The following SON variants were observed in gnomAD, a reference collection of about 807,000 sequenced individuals.
The protein encoded by SON is protein SON.
Under a neutral mutation model 173.3 loss-of-function variants are expected in SON, and 4 were observed. That is an observed-to-expected ratio of 0.02 (90% CI 0.01 to 0.05). The LOEUF is 0.05. SON is among the 10% of genes least tolerant of loss of function. The pLI, the probability that SON is intolerant of heterozygous loss-of-function variation, is 1.00. For synonymous variants in SON, 1,190 were observed against 1,105.9 expected, an observed-to-expected ratio of 1.08 and a Z score of -1.51; for missense variants, 2,626 against 3,055.3, an observed-to-expected ratio of 0.86 and a Z score of 3.31.
rs1601255163 is a variant in SON at position 33,548,153 on chromosome 21, C to T, written c.245-1323C>T. On this transcript the variant is annotated intron_variant, in intron 2 of 11. Coordinates refer to ENST00000356577, the MANE Select transcript of SON (RefSeq NM_138927.4). ...TTGTTAAAGTTGAATACTCCCATCT[C>T]TTTAGGGTATGTAAATTCAAACCTT... 3.3e-5 allele frequency among the ~76,000 whole-genome samples: 5 copies of T among 152,296 alleles called. No individual in the cohort carries two copies. The South Asian group carries it at 1.0e-3, about 32-fold the overall frequency.
chr21:33,567,881 C>G (rs1350822200), intron 7 of SON, among the ~76,000 whole-genome samples: 1 of 152,032 alleles, frequency 6.6e-6, no homozygotes, highest in Non-Finnish European at 1.5e-5. Flanking sequence ...CCACTGTACT[C>G]CAGCCTGGGC....
Position 33,557,279 on chromosome 21 carries a change from A to G in SON, c.6284A>G (p.Lys2095Arg). The change falls in exon 4 of 12, where the codon AAA becomes AGA. Residue 2095 changes from lysine (K) to arginine (R), a missense_variant. Lys to Arg is a conservative substitution (Grantham distance 26). This residue lies in a region of SON where 19 missense variants were observed against 16.8 expected (regional missense o/e 1.13). Coordinates refer to ENST00000356577, the MANE Select transcript of SON (RefSeq NM_138927.4). ...CCTACTATAGAAGAGAAAGTTGCTA[A>G]AAAGTCAGGAGGAGCTACTATAGAA... is the stretch of plus-strand genomic sequence containing the variant. Reference protein sequence around the residue: ...PPPTIEEKVAKKSGGATIEEL... With the variant: ...PPPTIEEKVARKSGGATIEEL... The G allele has an allele frequency of 6.2e-7, 1 of 1,613,868 alleles. No homozygotes were observed. The highest frequency in any genetic ancestry group is 1.3e-5 in the African/African-American group (1 of 74,920).
Position 33,553,357 on chromosome 21 carries a change from C to T in SON, c.4126C>T (p.Leu1376=), listed in dbSNP as rs761973913. 3 of 1,612,028 alleles carry T rather than the reference C, an allele frequency of 1.9e-6. No individual in the cohort carries two copies. The highest frequency in any genetic ancestry group is 2.5e-6 in the Non-Finnish European group (3 of 1,178,068). Residue 1376 remains leucine (L), a synonymous_variant, in exon 3 of 12, where the codon CTG becomes TTG. Coordinates refer to ENST00000356577, the MANE Select transcript of SON (RefSeq NM_138927.4). ...TVLESSTVTV[L]ESSTVTVLEP... is the part of the protein sequence containing the mutation. ...CCTGGAGTCTTCGACTGTGACTGTC[C>T]TGGAGTCTTCGACTGTAACTGTCCT...
chr21:33,577,271 G>A lies in SON; in HGVS notation c.*847G>A, dbSNP rs947612755. The stretch of plus-strand genomic sequence containing the variant: ...GAATTTCAGCTACACCTAGATAGAC[G>A]TAAAATGATAATTAAAATGCTGTAA... On this transcript the variant is annotated 3_prime_UTR_variant, in exon 12 of 12. Transcript: ENST00000356577. The A allele has an allele frequency of 2.6e-5, 4 of 152,498 alleles. No individual in the cohort carries two copies. The highest frequency in any genetic ancestry group is 4.8e-5 in the African/African-American group (2 of 41,418). The allele number at this position is 152,498 out of a possible 1,614,324, so 9.4% of individuals were successfully genotyped here.
chr21:33,567,515 G>T, intron 7 of SON: 1 of 461,178 alleles, frequency 2.2e-6, no homozygotes, highest in South Asian at 2.7e-5. Flanking sequence ...AAATTTCCCT[G>T]TCCTCACAGA....
intron 3 of SON, 145 bp downstream of exon 3, chr21:33,555,536 G>A: frequency 1.4e-6 from 1 of 722,420 alleles, no homozygotes; most frequent in Non-Finnish European, 2.0e-6. Flanking sequence ...ACATGGTACT[G>A]TATTTAGGAA....
intron 6 of SON, among the ~76,000 whole-genome samples, chr21:33,561,232 T>C (rs2086065175): frequency 6.6e-6 from 1 of 152,174 alleles, no homozygotes; most frequent in African/African-American, 2.4e-5. Flanking sequence ...GTTTGGATAA[T>C]ATTTTAGTGA....
rs2085812375 is a variant in SON, at chr21:33,552,154, A to G, written c.2923A>G (p.Arg975Gly). Residue 975 changes from arginine to glycine, a missense_variant, in exon 3 of 12, where the codon AGG becomes GGG. Arg to Gly is a moderately radical substitution (Grantham distance 125). Around this residue, in one of 13 missense-constraint regions of SON, gnomAD observed 366 missense variants for 448.6 expected, o/e 0.82. Transcript: ENST00000356577. This position sits in a 1 kb window ranked among gnomAD's most constrained non-coding sequence, Gnocchi z 5.6. ...ACCTAGACCCTACAGGATAGCACCC[A>G]GGTCCTATAGAATAGCACCCAGGCC... The part of the protein sequence containing the change: ...MSPRPYRIAP[R>G]SYRIAPRPYR... 1 of 1,613,984 alleles carries G rather than the reference A, an allele frequency of 6.2e-7. No homozygotes were observed. The highest frequency in any genetic ancestry group is 1.3e-5 in the African/African-American group (1 of 74,894).
chr21:33,549,610 A>C lies in SON; in HGVS notation c.379A>C (p.Lys127Gln), dbSNP rs1372835269. ...GAAGAAAAAGAAGAAAGAAAAGGAAAAAAAATATAAAAGACAGCCAGAAGA... is the reference window on the plus strand; with the variant it reads ...GAAGAAAAAGAAGAAAGAAAAGGAACAAAAATATAAAAGACAGCCAGAAGA... ...KKKKKKKEKE[K>Q]KYKRQPEESE... The change falls in exon 3 of 12, where the codon AAA becomes CAA. Residue 127 changes from lysine (K) to glutamine (Q), a missense_variant. Physicochemically the swap from Lys to Gln is moderately conservative, Grantham distance 53. Around this residue, in one of 13 missense-constraint regions of SON, gnomAD observed 757 missense variants for 730.1 expected, o/e 1.04. Coordinates refer to ENST00000356577, the MANE Select transcript of SON (RefSeq NM_138927.4). 6.3e-7 allele frequency: 1 copy of C among 1,597,172 alleles called. No homozygotes were observed. Among genetic ancestry groups the C allele is most frequent in the Admixed American group, 1.8e-5 (1 of 55,970 alleles).
At chr21:33,555,559 G>A (rs187580428) in intron 3 of SON, among the ~76,000 whole-genome samples, 168 bp downstream of exon 3, 142 of 152,314 alleles carry the variant, frequency 9.3e-4, no homozygotes, top group Middle Eastern at 3.4e-3. Context: ...ACTGGGATCA[G>A]TGTATTATAA....
chr21:33,552,941 C>T lies in SON; in HGVS notation c.3710C>T (p.Pro1237Leu). 4 of 1,614,138 alleles carry T rather than the reference C, an allele frequency of 2.5e-6. No homozygotes were observed. Among genetic ancestry groups the T allele is most frequent in the Non-Finnish European group, 3.4e-6 (4 of 1,180,028 alleles). The change falls in exon 3 of 12, where the codon CCC (proline) becomes CTC (leucine). Residue 1237 changes from proline to leucine, a missense_variant. Physicochemically the swap from Pro to Leu is moderately conservative, Grantham distance 98. This residue lies in a region of SON where 1,006 missense variants were observed against 895.6 expected (regional missense o/e 1.12). Coordinates refer to ENST00000356577, the MANE Select transcript of SON (RefSeq NM_138927.4). The surrounding 1 kb of genome is among the most constrained non-coding windows in gnomAD (Gnocchi z 5.6). ...PTDYSVSASD[P>L]SVLVSEAAVT... ...GATTATTCAGTGTCAGCATCAGATCCCTCAGTTTTAGTATCAGAGGCTGCT... is the reference window on the plus strand; with the variant it reads ...GATTATTCAGTGTCAGCATCAGATCTCTCAGTTTTAGTATCAGAGGCTGCT...
intron 2 of SON, 82 bp from the exon 3 acceptor site, chr21:33,549,394 G>A: frequency 1.6e-6 from 2 of 1,236,648 alleles, no homozygotes; most frequent in Non-Finnish European, 2.2e-6. Flanking sequence ...GTTTTAACAT[G>A]GAATGTAAAT....
Position 33,550,147 on chromosome 21 carries a change from C to T in SON, c.916C>T (p.Leu306Phe), listed in dbSNP as rs773707637. The part of the protein sequence containing the change: ...VAKVLEPSET[L>F]VVSSETPTEV... Reference sequence around the variant, plus strand: ...AAAAGTGTTAGAGCCTTCAGAAACCCTTGTGGTATCATCAGAGACACCTAC... The same window carrying T: ...AAAAGTGTTAGAGCCTTCAGAAACCTTTGTGGTATCATCAGAGACACCTAC... The change falls in exon 3 of 12, where the codon CTT (leucine) becomes TTT (phenylalanine). Residue 306 changes from leucine to phenylalanine, a missense_variant. Physicochemically the swap from Leu to Phe is conservative, Grantham distance 22. Transcript: ENST00000356577. 1.1e-5 allele frequency: 17 copies of T among 1,614,090 alleles called. No individual in the cohort carries two copies. In the East Asian group the frequency reaches 3.6e-4, roughly 34 times the overall value.
chr21:33,575,491 GATTTT>G (rs1476708403), intron 9 of SON, 100 bp from the exon 10 acceptor site: 7 of 646,850 alleles, frequency 1.1e-5, no homozygotes, highest in Non-Finnish European at 1.6e-5. Context: ...GGAATCTGCT[GATTTT>G]ATTTGAAGGC....
In SON at chr21:33,557,149, C is replaced by T. The variant is rs1222357793; in HGVS notation, c.6161-7C>T. On this transcript the variant is annotated splice_polypyrimidine_tract_variant and splice_region_variant and intron_variant, in intron 3 of 11. Coordinates refer to ENST00000356577, the MANE Select transcript of SON (RefSeq NM_138927.4). The stretch of plus-strand genomic sequence containing the variant: ...GAAAACTGCAGCTTGTATTTTTCTT[C>T]TTACAGATAAGGCTCAATTACTTGA... 1.3e-6 allele frequency: 2 copies of T among 1,598,816 alleles called. No individual in the cohort carries two copies. Among genetic ancestry groups the T allele is most frequent in the Non-Finnish European group, 1.7e-6 (2 of 1,176,302 alleles).
chr21:33,569,322 C>A, intron 8 of SON: 1 of 450,876 alleles, frequency 2.2e-6, no homozygotes, highest in Non-Finnish European at 4.1e-6. Context: ...AAAATTGTTA[C>A]TGCTGCTTTT....
At chr21:33,548,796 G>A (rs568427296) in intron 2 of SON, among the ~76,000 whole-genome samples, 21 of 152,298 alleles carry the variant, frequency 1.4e-4, no homozygotes, top group Middle Eastern at 6.8e-3. Context: ...ATTTTTAATA[G>A]AAACTGTAGC....
intron 1 of SON, among the ~76,000 whole-genome samples, chr21:33,545,511 G>A (rs543537501): frequency 2.6e-5 from 4 of 152,276 alleles, no homozygotes; most frequent in South Asian, 2.1e-4. Flanking sequence ...ATTACTGGGC[G>A]AATGATATGT....
In SON at chr21:33,554,403, T is replaced by C. The variant is rs368634199; in HGVS notation, c.5172T>C (p.Asn1724=). 7.4e-6 allele frequency: 12 copies of C among 1,614,022 alleles called. No individual in the cohort carries two copies. The African/African-American group carries it at 1.2e-4, about 16-fold the overall frequency. ...ETLPDSGFSA[N]IEDINEADLV... ...TGCCTGATTCAGGATTTTCTGCCAATATTGAGGATATTAATGAAGCAGATT... is the reference window on the plus strand; with the variant it reads ...TGCCTGATTCAGGATTTTCTGCCAACATTGAGGATATTAATGAAGCAGATT... The change falls in exon 3 of 12, where the codon AAT becomes AAC. Residue 1724 remains asparagine (N), a synonymous_variant. Transcript: ENST00000356577.
Sources: gnomAD v4.1 joint callset for allele counts (sites outside exome capture counted in the v4.1 genomes callset) on GRCh38, gnomAD v4.1.1 for gene constraint, gnomAD v4.1.1 regional missense constraint, Gnocchi (gnomAD v3.1) non-coding constraint, MANE v1.5 for transcripts, NCBI Gene and HGNC (gene_info 2026-07-23, HGNC 2026-07-21) for gene names.